Variants in LIN7A observed in about 807,000 individuals in gnomAD.
LIN7A encodes the protein protein lin-7 homolog A.
LIN7A carries 25 observed loss-of-function variants against 29.8 expected under a neutral mutation model. The ratio of observed to expected loss-of-function variants is 0.84; its 90% CI spans 0.61 to 1.17. The LOEUF is 1.17. Among genes scored for constraint, LIN7A ranks in the 50% most tolerant of loss-of-function variants. LIN7A has a pLI of 0.00. For synonymous variants in LIN7A, 118 were observed against 107.5 expected, an observed-to-expected ratio of 1.10 and a Z score of -0.60; for missense variants, 239 against 287.0, an observed-to-expected ratio of 0.83 and a Z score of 1.21.
intron 2 of LIN7A, among the ~76,000 whole-genome samples, chr12:80,856,339 C>A (rs1366926617): frequency 3.9e-5 from 6 of 152,058 alleles, no homozygotes; most frequent in Non-Finnish European, 8.8e-5. Context: ...TTTGTTAGGT[C>A]GAAATGAGTT....
At chr12:80,934,357 C>A (rs1300520497) in intron 1 of LIN7A, among the ~76,000 whole-genome samples, 1 of 152,058 alleles carries the variant, frequency 6.6e-6, no homozygotes, top group Non-Finnish European at 1.5e-5. Context: ...CCATAGCCAC[C>A]CAGAGACCTT....
chr12:80,927,513 A>G (rs1877668912), intron 1 of LIN7A, among the ~76,000 whole-genome samples: 3 of 152,132 alleles, frequency 2.0e-5, no homozygotes, highest in South Asian at 4.1e-4. Flanking sequence ...TCTCAACTAG[A>G]TGGGATAGAA....
intron 4 of LIN7A, among the ~76,000 whole-genome samples, chr12:80,814,775 A>G (rs1405358316): frequency 6.6e-6 from 1 of 152,152 alleles, no homozygotes; most frequent in Non-Finnish European, 1.5e-5. Context: ...ACAGTTTTCA[A>G]TTCCAGAAAT....
chr12:80,852,906 C>T (rs1259639768), intron 2 of LIN7A, among the ~76,000 whole-genome samples: 3 of 152,114 alleles, frequency 2.0e-5, no homozygotes, highest in African/African-American at 4.8e-5. Flanking sequence ...GCTGGGAAAG[C>T]GTTACTCTCG....
chr12:80,850,725 T>G (rs914247414), intron 2 of LIN7A, among the ~76,000 whole-genome samples: 1 of 152,182 alleles, frequency 6.6e-6, no homozygotes, highest in Non-Finnish European at 1.5e-5. Context: ...TCTAAGGAAT[T>G]AAGCTATACC....
At chr12:80,807,063 GTTTTTT>G (rs71094991) in intron 5 of LIN7A, among the ~76,000 whole-genome samples, 3 of 53,586 alleles carry the variant, frequency 5.6e-5, no homozygotes, top group East Asian at 5.3e-4. Flanking sequence ...TGAAGATGGA[GTTTTTT>G]TTTTTTTTTT....
chr12:80,837,835 T>A (rs1201273391), intron 4 of LIN7A, among the ~76,000 whole-genome samples: 1 of 150,156 alleles, frequency 6.7e-6, no homozygotes, highest in African/African-American at 2.5e-5. Flanking sequence ...ATCATCATCA[T>A]CATCCTCATC....
chr12:80,898,088 G>A (rs982998850), intron 1 of LIN7A, among the ~76,000 whole-genome samples: 1 of 151,996 alleles, frequency 6.6e-6, no homozygotes, highest in African/African-American at 2.4e-5. Flanking sequence ...CATCTTTCAG[G>A]GTTTTTAAAA....
At chr12:80,810,905 C>T (rs1871255154) in intron 5 of LIN7A, among the ~76,000 whole-genome samples, 1 of 152,212 alleles carries the variant, frequency 6.6e-6, no homozygotes, top group African/African-American at 2.4e-5. Context: ...TTTAAAGGAG[C>T]ATCCGCAGAG....
At chr12:80,838,313 T>A (rs956359009) in intron 4 of LIN7A, among the ~76,000 whole-genome samples, 3 of 152,154 alleles carry the variant, frequency 2.0e-5, no homozygotes, top group Admixed American at 2.0e-4. Flanking sequence ...AATCACCAGG[T>A]GGGAATGTAG....
intron 4 of LIN7A, among the ~76,000 whole-genome samples, chr12:80,826,335 C>A (rs1454920201): frequency 6.6e-6 from 1 of 152,166 alleles, no homozygotes; most frequent in Non-Finnish European, 1.5e-5. Flanking sequence ...AGTCATGTAG[C>A]CACCCAAGTT....
chr12:80,872,466 C>T (rs748095338), intron 2 of LIN7A, among the ~76,000 whole-genome samples: 1 of 152,232 alleles, frequency 6.6e-6, no homozygotes, highest in South Asian at 2.1e-4. Context: ...AACTCCTCAA[C>T]CATAGTAATT....
chr12:80,856,619 G>A (rs1873614682), intron 2 of LIN7A, among the ~76,000 whole-genome samples: 1 of 152,062 alleles, frequency 6.6e-6, no homozygotes, highest in African/African-American at 2.4e-5. Context: ...ACTTTCATTG[G>A]TATTTTAAAC....
In LIN7A at chr12:80,803,080, A is replaced by G. The variant is rs555937408; in HGVS notation, c.*1-5354T>C. 2.0e-5 allele frequency among the ~76,000 whole-genome samples: 3 copies of G among 152,268 alleles called. No individual in the cohort carries two copies. In the South Asian group the frequency reaches 6.2e-4, roughly 32 times the overall value. The stretch of plus-strand genomic sequence containing the variant: ...GTTTGCAAATATTTTCTTCTAATCC[A>G]TGGGTTATTTCTTCAATCTGTTGTT... On this transcript the variant is annotated intron_variant, in intron 5 of 5. Coordinates refer to ENST00000552864, the MANE Select transcript of LIN7A (RefSeq NM_004664.4).
intron 1 of LIN7A, among the ~76,000 whole-genome samples, chr12:80,925,350 C>T (rs1490075713): frequency 6.6e-6 from 1 of 152,176 alleles, no homozygotes; most frequent in Non-Finnish European, 1.5e-5. Context: ...CCAGGTATCT[C>T]CAAGTGCTTC....
At chr12:80,922,011 T>C (rs35917478) in intron 1 of LIN7A, among the ~76,000 whole-genome samples, 27,695 of 152,190 alleles carry the variant, frequency 0.18, 4,351 homozygotes, top group African/African-American at 0.4. Flanking sequence ...CTTATTTGTT[T>C]TATCTTCCAC....
intron 2 of LIN7A, among the ~76,000 whole-genome samples, chr12:80,850,811 CA>C (rs1873294145): frequency 1.3e-5 from 2 of 152,152 alleles, no homozygotes; most frequent in African/African-American, 4.8e-5. Context: ...TCTTGTAAAA[CA>C]TTCAATAAAT....
intron 3 of LIN7A, among the ~76,000 whole-genome samples, chr12:80,847,311 G>A (rs184111836): frequency 6.6e-6 from 1 of 152,202 alleles, no homozygotes; most frequent in Admixed American, 6.5e-5. Flanking sequence ...TTCCACTTCA[G>A]TACAAGCAAA....
At chr12:80,922,428 A>T (rs1185544891) in intron 1 of LIN7A, among the ~76,000 whole-genome samples, 1 of 152,198 alleles carries the variant, frequency 6.6e-6, no homozygotes, top group Non-Finnish European at 1.5e-5. Context: ...TTGGGGCACT[A>T]TTACCACTTT....
Sources: gnomAD v4.1 joint callset for allele counts (sites outside exome capture counted in the v4.1 genomes callset) on GRCh38, gnomAD v4.1.1 for gene constraint, MANE v1.5 for transcripts, NCBI Gene and HGNC (gene_info 2026-07-23, HGNC 2026-07-21) for gene names.